The following HMGXB4 variants were observed in gnomAD, a reference collection of about 807,000 sequenced individuals.
HMGXB4 encodes HMG domain-containing protein 4.
Under a neutral mutation model 63.9 loss-of-function variants are expected in HMGXB4, and 27 were observed. The observed-to-expected ratio is 0.42, with a 90% CI of 0.31 to 0.58. The LOEUF is 0.58. Ranked by LOEUF, HMGXB4 falls within the 20% of genes least tolerant of loss-of-function variation. The pLI, the probability that HMGXB4 is intolerant of heterozygous loss-of-function variation, is 0.13. For missense variants in HMGXB4, 624 were observed against 700.7 expected, an observed-to-expected ratio of 0.89 and a Z score of 1.24; for synonymous variants, 264 against 265.3, an observed-to-expected ratio of 0.99 and a Z score of 0.05.
rs574488299 is a variant in HMGXB4 at position 35,295,548 on chromosome 22, T to C, written c.*1897T>C. 3.1e-4 allele frequency: 47 copies of C among 152,768 alleles called. 1 individual carries two copies. In the Middle Eastern group the frequency reaches 0.017, roughly 55 times the overall value. The allele number at this position is 152,768 out of a possible 1,614,324, so 9.5% of individuals were successfully genotyped here. A position where few individuals can be genotyped will look rare whatever the true frequency, so the allele number is the denominator to read the frequency against. ...GAAATCCTGATGAGGACCTGCTTTT[T>C]GTTTGTTTTCCTTTGAAACCCAGCC... On this transcript the variant is annotated 3_prime_UTR_variant, in exon 11 of 11. Transcript: ENST00000216106.
intron 9 of HMGXB4, among the ~76,000 whole-genome samples, chr22:35,289,622 T>G (rs946574662): frequency 6.6e-6 from 1 of 152,224 alleles, no homozygotes; most frequent in Non-Finnish European, 1.5e-5. Flanking sequence ...TTCCTCTGTT[T>G]TGAAAATAGG....
Position 35,282,377 on chromosome 22 carries a change from C to A in HMGXB4, c.1216-1585C>A, listed in dbSNP as rs546977496. ...ATTTTTAGTAGAGACGGGGTTTCAC[C>A]GTGTTAGCCAGGATGACCTCGTGAT... On this transcript the variant is annotated intron_variant, in intron 5 of 10. Transcript: ENST00000216106. Among the ~76,000 whole-genome samples, 11 of 152,210 alleles carry A rather than the reference C, an allele frequency of 7.2e-5. No individual in the cohort carries two copies. The East Asian group carries it at 1.5e-3, about 21-fold the overall frequency.
intron 5 of HMGXB4, among the ~76,000 whole-genome samples, chr22:35,273,170 A>C (rs1273095459): frequency 6.6e-6 from 1 of 152,222 alleles, no homozygotes; most frequent in Non-Finnish European, 1.5e-5. Context: ...AACAGCAACA[A>C]TAAATGGTAG....
At chr22:35,251,266 G>A in the HMGXB4 span, among the ~76,000 whole-genome samples, 2 of 151,792 alleles carry the variant, frequency 1.3e-5, no homozygotes, top group South Asian at 4.2e-4. Context: ...TAGTAGAGAC[G>A]GGGTTTCACC....
At chr22:35,276,209 CAG>C (rs1045351740) in intron 5 of HMGXB4, among the ~76,000 whole-genome samples, 45 of 152,204 alleles carry the variant, frequency 3.0e-4, no homozygotes, top group African/African-American at 1.1e-3. Flanking sequence ...TGTAAGTAGT[CAG>C]AGTTTCCCTT....
At chr22:35,241,880 C>T in the HMGXB4 span, among the ~76,000 whole-genome samples, 1 of 152,206 alleles carries the variant, frequency 6.6e-6, no homozygotes, top group Non-Finnish European at 1.5e-5. Flanking sequence ...CTAAAATTCA[C>T]AATGCAAGCC....
chr22:35,253,600 TGC>T (rs55731093), upstream of HMGXB4, among the ~76,000 whole-genome samples: 79,645 of 151,098 alleles, frequency 0.53, 24,155 homozygotes, highest in Non-Finnish European at 0.68. Flanking sequence ...TTGGATTTTG[TGC>T]GCGCGCGCGC....
upstream of HMGXB4, among the ~76,000 whole-genome samples, chr22:35,256,560 C>T (rs550348885): frequency 1.4e-4 from 22 of 152,234 alleles, no homozygotes; most frequent in African/African-American, 4.3e-4. Context: ...AGTGCAGTGG[C>T]GCAATCTCGG....
intron 5 of HMGXB4, among the ~76,000 whole-genome samples, chr22:35,274,620 G>A (rs1230207088): frequency 1.3e-5 from 2 of 152,176 alleles, no homozygotes; most frequent in African/African-American, 4.8e-5. Flanking sequence ...CATGCCCCGG[G>A]ACATACCTGT....
At chr22:35,263,919 T>C in intron 4 of HMGXB4, 45 bp downstream of exon 4, 1 of 1,601,018 alleles carries the variant, frequency 6.2e-7, no homozygotes, top group Admixed American at 1.7e-5. Context: ...ACATCGCTGG[T>C]TCTTGGAGTC....
chr22:35,264,850 A>G lies in HMGXB4; in HGVS notation c.462A>G (p.Gly154=), dbSNP rs778046601. 1.2e-6 allele frequency: 2 copies of G among 1,614,108 alleles called. No homozygotes were observed. Among genetic ancestry groups the G allele is most frequent in the Non-Finnish European group, 1.7e-6 (2 of 1,179,978 alleles). ...AGCACCACAGGAAGAAAGTCAGTGG[A>G]AGCAGTGGGGAACTACCCCTAGAGG... ...KKEHHRKKVS[G]SSGELPLEDG... is the part of the protein sequence containing the mutation. Residue 154 remains glycine, a synonymous_variant, in exon 5 of 11, where the codon GGA becomes GGG. Transcript: ENST00000216106.
upstream of HMGXB4, among the ~76,000 whole-genome samples, chr22:35,254,183 G>A (rs1285307688): frequency 6.6e-6 from 1 of 152,146 alleles, no homozygotes; most frequent in Admixed American, 6.5e-5. Flanking sequence ...TAGATCAGGT[G>A]GACCAGAGAA....
chr22:35,283,847 T>C, intron 5 of HMGXB4, 115 bp from the exon 6 acceptor site: 2 of 694,904 alleles, frequency 2.9e-6, no homozygotes, highest in Non-Finnish European at 5.2e-6. Context: ...AGTTTGGAAC[T>C]CTTCCCTTGA....
the HMGXB4 span, among the ~76,000 whole-genome samples, chr22:35,250,793 C>T: frequency 6.6e-6 from 1 of 152,154 alleles, no homozygotes; most frequent in Non-Finnish European, 1.5e-5. Context: ...CCAAGCATCT[C>T]TGAGCCTCTC....
At chr22:35,276,848 G>T (rs1310564610) in intron 5 of HMGXB4, among the ~76,000 whole-genome samples, 2 of 152,128 alleles carry the variant, frequency 1.3e-5, no homozygotes, top group African/African-American at 4.8e-5. Flanking sequence ...TTAAAATAAA[G>T]GTCTTGCTGC....
At chr22:35,291,980 G>A (rs1398148096) in intron 9 of HMGXB4, among the ~76,000 whole-genome samples, 6 of 152,216 alleles carry the variant, frequency 3.9e-5, no homozygotes, top group Admixed American at 3.9e-4. Context: ...GGGCAGTTAT[G>A]TGAATGGTGG....
rs1474557 is a variant in HMGXB4 at position 35,294,186 on chromosome 22, T to G, written c.*535T>G. 2 of 152,016 alleles carry G rather than the reference T, an allele frequency of 1.3e-5. No homozygotes were observed. Among genetic ancestry groups the G allele is most frequent in the Admixed American group, 1.3e-4 (2 of 15,202 alleles). 9.4% of individuals were successfully genotyped at this position (152,016 alleles called of 1,614,324 possible). A position where few individuals can be genotyped will look rare whatever the true frequency, so the allele number is the denominator to read the frequency against. Reference sequence around the variant, plus strand: ...ATAAAATTTGTTCCCTTTATAGTTATGGAAGTGGCTTAGGTGAATTGAGTA... The same window carrying G: ...ATAAAATTTGTTCCCTTTATAGTTAGGGAAGTGGCTTAGGTGAATTGAGTA... On this transcript the variant is annotated 3_prime_UTR_variant, in exon 11 of 11. Coordinates refer to ENST00000216106, the MANE Select transcript of HMGXB4 (RefSeq NM_001003681.3).
At chr22:35,270,239 G>T (rs1198657087) in intron 5 of HMGXB4, among the ~76,000 whole-genome samples, 1 of 152,074 alleles carries the variant, frequency 6.6e-6, no homozygotes, top group Non-Finnish European at 1.5e-5. Context: ...TCCACCTCCT[G>T]TCAGATTAGC....
At chr22:35,251,064 A>G in the HMGXB4 span, among the ~76,000 whole-genome samples, 1 of 143,184 alleles carries the variant, frequency 7.0e-6, no homozygotes, top group African/African-American at 2.5e-5. Context: ...TACAATGCCT[A>G]TAACTTTCTT....
Sources: gnomAD v4.1 joint callset for allele counts (sites outside exome capture counted in the v4.1 genomes callset) on GRCh38, gnomAD v4.1.1 for gene constraint, MANE v1.5 for transcripts, NCBI Gene and HGNC (gene_info 2026-07-23, HGNC 2026-07-21) for gene names.